PRRG1: variants seen among roughly 807,000 people sequenced by gnomAD.
PRRG1 encodes the protein transmembrane gamma-carboxyglutamic acid protein 1.
In PRRG1, 5 loss-of-function variants were observed where a neutral mutation model predicts 11.8. That is an observed-to-expected ratio of 0.42 (90% confidence interval 0.22 to 0.89). The LOEUF (loss-of-function observed/expected upper bound fraction) is 0.89. PRRG1 is among the 40% of genes least tolerant of loss of function. The pLI is 0.28. For missense variants in PRRG1, 155 were observed against 166.1 expected (o/e 0.93, Z 0.37); for synonymous variants, 66 against 60.4 (o/e 1.09, Z -0.43).
chrX:37,382,714 A>G (rs192968085), intron 1 of PRRG1, among the ~76,000 whole-genome samples: 207 of 87,298 alleles, frequency 2.4e-3, no homozygotes, highest in African/African-American at 0.018. Flanking sequence ...TTTTAATTCA[A>G]TAGATTTTTG....
At chrX:37,362,829 C>T (rs1485826787) in intron 1 of PRRG1, among the ~76,000 whole-genome samples, 1 of 111,232 alleles carries the variant, frequency 9.0e-6, no homozygotes, top group Non-Finnish European at 1.9e-5. Flanking sequence ...TGTCAGAGTC[C>T]TCAGCAGACT....
intron 2 of PRRG1, among the ~76,000 whole-genome samples, chrX:37,425,049 A>G (rs1556388047): frequency 9.0e-6 from 1 of 111,466 alleles, no homozygotes; most frequent in African/African-American, 3.2e-5. Flanking sequence ...TCTTTTAGAA[A>G]AATGTAATTG....
intron 3 of PRRG1, among the ~76,000 whole-genome samples, chrX:37,434,301 G>A (rs992820017): frequency 8.9e-6 from 1 of 111,976 alleles, no homozygotes; most frequent in Non-Finnish European, 1.9e-5. Context: ...TTTTCATCAT[G>A]TAGAAAATGG....
chrX:37,443,186 G>A (rs190683290), intron 3 of PRRG1, among the ~76,000 whole-genome samples: 121 of 111,375 alleles, frequency 1.1e-3, no homozygotes, highest in Non-Finnish European at 1.8e-3. Flanking sequence ...TGGACAAGGT[G>A]ACAAGTTTTG....
chrX:37,453,219 T>G lies in PRRG1; in HGVS notation c.255T>G (p.Phe85Leu), dbSNP rs781891762. ...GSDWFQFYLT[F>L]PLIFGLFIIL... ...ACTGGTTTCAGTTTTACCTTACCTT[T>G]CCGTTAATCTTTGGCCTCTTCATTA... Residue 85 changes from phenylalanine (F) to leucine (L), a missense_variant, in exon 4 of 4, where the codon TTT becomes TTG. By Grantham distance (22) the Phe-to-Leu change is conservative. Transcript: ENST00000378628. 34 of 1,208,672 alleles carry G rather than the reference T, an allele frequency of 2.8e-5. No individual in the cohort carries two copies. In the East Asian group the frequency reaches 7.1e-4, roughly 25 times the overall value.
At chrX:37,452,320 A>G (rs782314925) in intron 3 of PRRG1, among the ~76,000 whole-genome samples, 8 of 112,313 alleles carry the variant, frequency 7.1e-5, no homozygotes, top group Non-Finnish European at 1.3e-4. Flanking sequence ...GGCAGCCTGT[A>G]AGGTAGGTTT....
chrX:37,422,494 G>A (rs1932689113), intron 2 of PRRG1, among the ~76,000 whole-genome samples: 1 of 111,669 alleles, frequency 9.0e-6, no homozygotes, highest in Non-Finnish European at 1.9e-5. Context: ...GAAGTCCCAC[G>A]GGAAACCATT....
chrX:37,402,160 AAG>A (rs1556380531), intron 1 of PRRG1, among the ~76,000 whole-genome samples: 2 of 111,501 alleles, frequency 1.8e-5, no homozygotes, highest in African/African-American at 6.6e-5. Context: ...GGAATCAAAA[AAG>A]AGCCCGCATC....
chrX:37,364,419 T>C, intron 1 of PRRG1, among the ~76,000 whole-genome samples: 1 of 112,176 alleles, frequency 8.9e-6, no homozygotes, highest in Non-Finnish European at 1.9e-5. Context: ...TATCTAACAT[T>C]GGATTGACTG....
chrX:37,421,591 G>A (rs782109814), intron 2 of PRRG1, among the ~76,000 whole-genome samples: 1 of 111,982 alleles, frequency 8.9e-6, no homozygotes, highest in East Asian at 2.8e-4. Context: ...ATTGCCCCAT[G>A]TTTTTAGAGG....
chrX:37,355,243 G>A (rs1488023562), intron 1 of PRRG1, among the ~76,000 whole-genome samples: 2 of 110,892 alleles, frequency 1.8e-5, no homozygotes, highest in Non-Finnish European at 3.8e-5. Context: ...TCTTAATCTG[G>A]TGTGTGCATC....
chrX:37,380,697 A>G (rs1289045889), intron 1 of PRRG1, among the ~76,000 whole-genome samples: 1 of 111,457 alleles, frequency 9.0e-6, no homozygotes, highest in Non-Finnish European at 1.9e-5. Flanking sequence ...AGGAATTTAC[A>G]GATAGATTTG....
At chrX:37,445,755 G>A (rs1244712824) in intron 3 of PRRG1, among the ~76,000 whole-genome samples, 1 of 112,484 alleles carries the variant, frequency 8.9e-6, no homozygotes, top group Non-Finnish European at 1.9e-5. Flanking sequence ...ACAAGCATGG[G>A]TTGGAAACAA....
At chrX:37,402,669 C>A (rs1450433088) in intron 1 of PRRG1, among the ~76,000 whole-genome samples, 7 of 111,486 alleles carry the variant, frequency 6.3e-5, no homozygotes, top group East Asian at 2.8e-4. Flanking sequence ...TGCACAGCAA[C>A]AGAAACTACC....
intron 2 of PRRG1, among the ~76,000 whole-genome samples, chrX:37,411,775 C>T (rs1000485790): frequency 1.9e-4 from 21 of 111,649 alleles, no homozygotes; most frequent in African/African-American, 6.8e-4. Context: ...GCTAGCTGCT[C>T]GTACACATCT....
Position 37,443,343 on chromosome X carries a change from G to A in PRRG1, c.172-9793G>A, listed in dbSNP as rs782539168. Among the ~76,000 whole-genome samples the A allele has an allele frequency of 6.3e-5, 7 of 111,822 alleles. 1 individual carries two copies. In the South Asian group the frequency reaches 2.3e-3, roughly 37 times the overall value. On this transcript the variant is annotated intron_variant, in intron 3 of 3. Coordinates refer to ENST00000378628, the MANE Select transcript of PRRG1 (RefSeq NM_001142395.2). The stretch of plus-strand genomic sequence containing the variant: ...TAGAGGGCTGGGGAATACATGTCAT[G>A]TGAAATCTTAGATCCTTATTAGGTA...
At chrX:37,352,028 C>G (rs782002516) in intron 1 of PRRG1, among the ~76,000 whole-genome samples, 11 of 112,702 alleles carry the variant, frequency 9.8e-5, no homozygotes, top group African/African-American at 3.5e-4. Flanking sequence ...TGACATCTCT[C>G]TTAACTCCAC....
At chrX:37,401,269 C>A (rs1447792227) in intron 1 of PRRG1, among the ~76,000 whole-genome samples, 2 of 111,014 alleles carry the variant, frequency 1.8e-5, no homozygotes, top group African/African-American at 6.6e-5. Flanking sequence ...AGCAGCACAT[C>A]AAAAAGCTTT....
At position 37,389,173 on chromosome X, in the gene PRRG1, C is replaced by G. The variant is rs187471911; in HGVS notation, c.-41-17036C>G. Among the ~76,000 whole-genome samples, 17 of 111,574 alleles carry G rather than the reference C, an allele frequency of 1.5e-4. No homozygotes were observed. In the East Asian group the frequency reaches 4.5e-3, roughly 30 times the overall value. ...ACCTCTTCGGCCTGGCCTTCACTGT[C>G]CATATCACTATAACCATTCAACCAG... On this transcript the variant is annotated intron_variant, in intron 1 of 3. Transcript: ENST00000378628.
Sources: allele counts gnomAD v4.1 joint callset (sites outside exome capture counted in the v4.1 genomes callset), GRCh38; gene constraint gnomAD v4.1.1; transcripts MANE v1.5; gene names NCBI Gene and HGNC (gene_info 2026-07-23, HGNC 2026-07-21).